The following LHFPL3 variants were observed in gnomAD, a reference collection of about 807,000 sequenced individuals.
LHFPL3 encodes LHFPL tetraspan subfamily member 3 protein.
LHFPL3 carries 5 observed loss-of-function variants against 19.3 expected under a neutral mutation model. That is an observed-to-expected ratio of 0.26 (90% CI 0.14 to 0.54). LHFPL3 has a LOEUF of 0.54. Ranked by LOEUF, LHFPL3 falls within the 20% of genes least tolerant of loss-of-function variation. The probability of loss-of-function intolerance (pLI) is 0.94; values close to 1 mark genes in which losing one functional copy is unlikely to be tolerated. For synonymous variants in LHFPL3, 133 were observed against 126.2 expected, an observed-to-expected ratio of 1.05 and a Z score of -0.36; for missense variants, 249 against 307.4, an observed-to-expected ratio of 0.81 and a Z score of 1.42.
chr7:104,477,275 G>C (rs146407681), intron 1 of LHFPL3, among the ~76,000 whole-genome samples: 1 of 152,310 alleles, frequency 6.6e-6, no homozygotes, highest in East Asian at 1.9e-4. Context: ...GCAGGTGTGA[G>C]CCAGTGCGCC....
At chr7:104,857,428 C>G (rs1343773635) in intron 2 of LHFPL3, among the ~76,000 whole-genome samples, 1 of 152,076 alleles carries the variant, frequency 6.6e-6, no homozygotes, top group African/African-American at 2.4e-5. Flanking sequence ...ACAACATATG[C>G]CAGACCTTAT....
chr7:104,720,063 C>T (rs1332138174), intron 1 of LHFPL3, among the ~76,000 whole-genome samples: 1 of 152,154 alleles, frequency 6.6e-6, no homozygotes, highest in African/African-American at 2.4e-5. Flanking sequence ...AAGAACATGG[C>T]TCTGGCTCTA....
intron 1 of LHFPL3, among the ~76,000 whole-genome samples, chr7:104,626,048 C>A (rs896860657): frequency 6.6e-6 from 1 of 152,162 alleles, no homozygotes; most frequent in Non-Finnish European, 1.5e-5. Context: ...ATAAACAACA[C>A]AAAGTACTGT....
chr7:104,383,639 A>T (rs563449773), intron 1 of LHFPL3, among the ~76,000 whole-genome samples: 1 of 152,348 alleles, frequency 6.6e-6, no homozygotes, highest in East Asian at 1.9e-4. Flanking sequence ...AGAGGGAAAA[A>T]TGCAGCTCTC....
At chr7:104,734,358 A>G (rs895990215) in intron 1 of LHFPL3, among the ~76,000 whole-genome samples, 1 of 152,220 alleles carries the variant, frequency 6.6e-6, no homozygotes, top group African/African-American at 2.4e-5. Context: ...AGCTACACCA[A>G]TCAGACATAG....
intron 1 of LHFPL3, among the ~76,000 whole-genome samples, chr7:104,701,562 C>T (rs1349438380): frequency 1.3e-5 from 2 of 152,102 alleles, no homozygotes; most frequent in Non-Finnish European, 2.9e-5. Flanking sequence ...TGTTTGTTGT[C>T]TTCACACCGA....
At chr7:104,516,945 C>T (rs1005932121) in intron 1 of LHFPL3, among the ~76,000 whole-genome samples, 6 of 152,118 alleles carry the variant, frequency 3.9e-5, no homozygotes, top group African/African-American at 1.4e-4. Context: ...TACATATACA[C>T]CATGGAATAC....
intron 1 of LHFPL3, among the ~76,000 whole-genome samples, chr7:104,622,847 AT>A (rs1791473640): frequency 6.6e-6 from 1 of 152,212 alleles, no homozygotes; most frequent in African/African-American, 2.4e-5. Context: ...GCTGGGCTAA[AT>A]GGTAACTCTG....
chr7:104,753,402 T>C (rs1170239988), intron 2 of LHFPL3, among the ~76,000 whole-genome samples: 1 of 152,214 alleles, frequency 6.6e-6, no homozygotes, highest in Admixed American at 6.5e-5. Flanking sequence ...CAGTCATATT[T>C]AAAGGGGAAA....
intron 2 of LHFPL3, among the ~76,000 whole-genome samples, chr7:104,770,415 T>A (rs1320660919): frequency 6.6e-6 from 1 of 152,184 alleles, no homozygotes; most frequent in Non-Finnish European, 1.5e-5. Context: ...ATGGTCTCAA[T>A]AAAGAGAAGG....
chr7:104,696,527 G>C (rs1792999674), intron 1 of LHFPL3, among the ~76,000 whole-genome samples: 1 of 152,016 alleles, frequency 6.6e-6, no homozygotes, highest in African/African-American at 2.4e-5. Flanking sequence ...CCTTATAAAG[G>C]ATAGTGAGAA....
chr7:104,822,318 G>A (rs1269900669), intron 2 of LHFPL3, among the ~76,000 whole-genome samples: 2 of 152,212 alleles, frequency 1.3e-5, no homozygotes, highest in Admixed American at 1.3e-4. Context: ...GATATTTAAT[G>A]AGGAAATACT....
intron 1 of LHFPL3, among the ~76,000 whole-genome samples, chr7:104,591,024 G>A (rs190073494): frequency 3.6e-4 from 55 of 152,182 alleles, no homozygotes; most frequent in Non-Finnish European, 2.4e-4. Flanking sequence ...CATAAGATGG[G>A]TCTCCCGAAT....
chr7:104,339,744 G>A (rs553839469), intron 1 of LHFPL3, among the ~76,000 whole-genome samples: 3 of 152,242 alleles, frequency 2.0e-5, no homozygotes, highest in Non-Finnish European at 2.9e-5. Flanking sequence ...TTATGTAGCC[G>A]TCATACCATC....
chr7:104,527,409 G>A lies in LHFPL3; in HGVS notation c.445+198185G>A, dbSNP rs546103174. ...GGAGTTCATGAAAGTGTGTTCTTAC[G>A]TGGGAGCAGTGGAGGTGGCGAGGTG... is the stretch of plus-strand genomic sequence containing the variant. On this transcript the variant is annotated intron_variant, in intron 1 of 2. Coordinates refer to ENST00000424859, the MANE Select transcript of LHFPL3 (RefSeq NM_199000.3). Among the ~76,000 whole-genome samples, 80 of 152,236 alleles carry A rather than the reference G, an allele frequency of 5.3e-4. 1 individual carries two copies. The highest frequency in any genetic ancestry group is 3.0e-3 in the Admixed American group (46 of 15,264).
At chr7:104,881,813 T>C (rs903847227) in intron 2 of LHFPL3, among the ~76,000 whole-genome samples, 2 of 152,196 alleles carry the variant, frequency 1.3e-5, no homozygotes, top group Non-Finnish European at 2.9e-5. Context: ...GTGGTCTTAT[T>C]TTAGAAATTC....
intron 2 of LHFPL3, among the ~76,000 whole-genome samples, chr7:104,833,121 G>GATAT (rs1451878489): frequency 2.4e-4 from 5 of 20,642 alleles, no homozygotes; most frequent in South Asian, 1.7e-3. Context: ...TCCTGAGGAG[G>GATAT]ATATATATAT....
chr7:104,892,505 G>A lies in LHFPL3; in HGVS notation c.683-13682G>A, dbSNP rs181769462. On this transcript the variant is annotated intron_variant, in intron 2 of 2. Coordinates refer to ENST00000424859, the MANE Select transcript of LHFPL3 (RefSeq NM_199000.3). ...AGGCAGGCGGATCACAAGGTCAGCCGTTCAAAACCAGCCTGGCCAACATAG... is the reference window on the plus strand; with the variant it reads ...AGGCAGGCGGATCACAAGGTCAGCCATTCAAAACCAGCCTGGCCAACATAG... Among the ~76,000 whole-genome samples the A allele has an allele frequency of 2.2e-3, 336 of 152,094 alleles. 1 individual carries two copies. Among genetic ancestry groups the A allele is most frequent in the Middle Eastern group, 0.02 (6 of 294 alleles).
chr7:104,774,089 AAT>A (rs1254855478), intron 2 of LHFPL3, among the ~76,000 whole-genome samples: 2 of 152,214 alleles, frequency 1.3e-5, no homozygotes, highest in African/African-American at 4.8e-5. Flanking sequence ...GAATAGTTCT[AAT>A]CATGCTCAAT....
Sources: allele counts gnomAD v4.1 joint callset (sites outside exome capture counted in the v4.1 genomes callset), GRCh38; gene constraint gnomAD v4.1.1; transcripts MANE v1.5; gene names NCBI Gene and HGNC (gene_info 2026-07-23, HGNC 2026-07-21).